Variants in VPS37A observed in about 807,000 individuals in gnomAD.
The protein encoded by VPS37A is vacuolar protein sorting-associated protein 37A.
A neutral mutation model predicts 49.8 loss-of-function variants in VPS37A; 30 were observed. That is an observed-to-expected ratio of 0.60 (90% CI 0.45 to 0.82). The LOEUF (loss-of-function observed/expected upper bound fraction) is 0.82. Among genes scored for constraint, VPS37A ranks in the 40% least tolerant of loss-of-function variants. The pLI is 0.00. For missense variants in VPS37A, 593 were observed against 464.4 expected (o/e 1.28, Z -2.55); for synonymous variants, 195 against 160.6 (o/e 1.21, Z -1.62).
chr8:17,317,288 A>G, the VPS37A span, among the ~76,000 whole-genome samples: 1 of 152,154 alleles, frequency 6.6e-6, no homozygotes, highest in African/African-American at 2.4e-5. Context: ...TTAGCTGCCA[A>G]GCTTTGCTAT....
At chr8:17,318,330 C>T in the VPS37A span, among the ~76,000 whole-genome samples, 2 of 152,026 alleles carry the variant, frequency 1.3e-5, no homozygotes, top group Non-Finnish European at 2.9e-5. Flanking sequence ...TCTGTGGAGT[C>T]CACAGAAAAA....
the VPS37A span, among the ~76,000 whole-genome samples, chr8:17,317,919 C>T: frequency 5.3e-5 from 8 of 151,814 alleles, no homozygotes; most frequent in African/African-American, 1.9e-4. Context: ...GCCTTTTTTT[C>T]CACTTCATTC....
At chr8:17,291,468 G>C (rs1170850128) in intron 11 of VPS37A, among the ~76,000 whole-genome samples, 2 of 130,210 alleles carry the variant, frequency 1.5e-5, no homozygotes, top group Non-Finnish European at 3.2e-5. Context: ...TCGTGTCTCT[G>C]TCTCTTTAAG....
At chr8:17,279,783 G>A (rs190591984) in intron 6 of VPS37A, 7 of 543,858 alleles carry the variant, frequency 1.3e-5, no homozygotes, top group East Asian at 4.5e-5. Context: ...TAGATATATC[G>A]ATATATCCAT....
downstream of VPS37A, chr8:17,305,641 G>T: frequency 1.2e-6 from 1 of 803,752 alleles, no homozygotes; most frequent in Non-Finnish European, 2.0e-6. Flanking sequence ...TAATCTGTCA[G>T]TATAGGTATG....
chr8:17,252,966 C>T (rs1298074292), intron 1 of VPS37A, among the ~76,000 whole-genome samples: 3 of 152,130 alleles, frequency 2.0e-5, no homozygotes, highest in Non-Finnish European at 2.9e-5. Flanking sequence ...AAAACTTTGA[C>T]ACATTAAATT....
chr8:17,252,841 T>C (rs1812098920), intron 1 of VPS37A, among the ~76,000 whole-genome samples: 1 of 152,264 alleles, frequency 6.6e-6, no homozygotes, highest in Non-Finnish European at 1.5e-5. Context: ...TGTTATGCCT[T>C]AGCCCATTGA....
At chr8:17,249,334 G>A (rs962839607) in intron 1 of VPS37A, among the ~76,000 whole-genome samples, 1 of 152,150 alleles carries the variant, frequency 6.6e-6, no homozygotes. Context: ...CGCGGAGTTG[G>A]ATACAGAAAG....
At chr8:17,280,523 TATC>T in intron 9 of VPS37A, 80 bp downstream of exon 9, 1 of 1,314,686 alleles carries the variant, frequency 7.6e-7, no homozygotes, top group Non-Finnish European at 1.0e-6. Flanking sequence ...TCACTTTCAT[TATC>T]ATCAGAAACC....
At chr8:17,252,987 T>C (rs964858990) in intron 1 of VPS37A, among the ~76,000 whole-genome samples, 3 of 152,192 alleles carry the variant, frequency 2.0e-5, no homozygotes, top group Non-Finnish European at 2.9e-5. Flanking sequence ...ATATTGTCTA[T>C]TTGTAACCAG....
chr8:17,320,254 T>C, the VPS37A span, among the ~76,000 whole-genome samples: 1 of 152,210 alleles, frequency 6.6e-6, no homozygotes, highest in African/African-American at 2.4e-5. Flanking sequence ...TGCACAGTAT[T>C]GACTTAGACT....
chr8:17,322,578 G>T, the VPS37A span, among the ~76,000 whole-genome samples: 1 of 152,188 alleles, frequency 6.6e-6, no homozygotes, highest in South Asian at 2.1e-4. Flanking sequence ...CCAGAACTTT[G>T]GGAGGCCAAG....
At chr8:17,286,455 A>C in intron 11 of VPS37A, 28 bp downstream of exon 11, 132 of 1,592,184 alleles carry the variant, frequency 8.3e-5, no homozygotes, top group Middle Eastern at 1.7e-4. Flanking sequence ...TTTGAGTCTC[A>C]AGGTGATTGC....
chr8:17,314,480 C>A, the VPS37A span, among the ~76,000 whole-genome samples: 1 of 152,132 alleles, frequency 6.6e-6, no homozygotes, highest in Admixed American at 6.5e-5. Flanking sequence ...CCAGATTCAA[C>A]TTTGTGAACT....
rs1563303069 is a variant in VPS37A at position 17,297,274 on chromosome 8, C to CAATCA, written c.*2290_*2294dup. On this transcript the variant is annotated 3_prime_UTR_variant, in exon 12 of 12. Coordinates refer to ENST00000324849, the MANE Select transcript of VPS37A (RefSeq NM_152415.3). Reference sequence around the variant, plus strand: ...CTTAAAATAGAAGAAAATTCTAAATCAATCAATCAGTGAGATATAAACTAA... The same window carrying CAATCA: ...CTTAAAATAGAAGAAAATTCTAAATCAATCAAATCAATCAGTGAGATATAAACTAA... 6.6e-6 allele frequency: 1 copy of CAATCA among 151,970 alleles called. No individual in the cohort carries two copies. The highest frequency in any genetic ancestry group is 1.5e-5 in the Non-Finnish European group (1 of 67,926). 9.4% of individuals were successfully genotyped at this position (151,970 alleles called of 1,614,324 possible).
At chr8:17,310,021 G>C in the VPS37A span, among the ~76,000 whole-genome samples, 2 of 151,910 alleles carry the variant, frequency 1.3e-5, no homozygotes, top group African/African-American at 4.8e-5. Flanking sequence ...TTATTTTTGA[G>C]ACAGGATCTC....
intron 1 of VPS37A, among the ~76,000 whole-genome samples, chr8:17,259,760 G>A (rs927218472): frequency 6.6e-6 from 1 of 152,008 alleles, no homozygotes; most frequent in African/African-American, 2.4e-5. Context: ...CTGGTTTTGG[G>A]TGCATAGATA....
At chr8:17,263,394 T>A (rs1331478630) in intron 1 of VPS37A, among the ~76,000 whole-genome samples, 1 of 152,216 alleles carries the variant, frequency 6.6e-6, no homozygotes, top group Non-Finnish European at 1.5e-5. Flanking sequence ...TGTTGTTTAA[T>A]GCAGCTAATC....
At chr8:17,277,012 C>G (rs1814576420) in intron 6 of VPS37A, among the ~76,000 whole-genome samples, 1 of 152,048 alleles carries the variant, frequency 6.6e-6, no homozygotes, top group African/African-American at 2.4e-5. Context: ...TTTTGGGAAG[C>G]ACTGCACCCT....
Sources: gnomAD v4.1 joint callset for allele counts (sites outside exome capture counted in the v4.1 genomes callset) on GRCh38, gnomAD v4.1.1 for gene constraint, MANE v1.5 for transcripts, NCBI Gene and HGNC (gene_info 2026-07-23, HGNC 2026-07-21) for gene names.